Variants in RPTOR observed in about 807,000 individuals in gnomAD.
RPTOR encodes the protein regulatory associated protein of MTOR complex 1.
A neutral mutation model predicts 169.9 loss-of-function variants in RPTOR; 21 were observed. The ratio of observed to expected loss-of-function variants is 0.12; its 90% CI spans 0.09 to 0.18. The LOEUF is 0.18. Among genes scored for constraint, RPTOR ranks in the 10% least tolerant of loss-of-function variants. RPTOR has a pLI of 1.00. For missense variants in RPTOR, 1,133 were observed against 1,855.9 expected (o/e 0.61, Z 7.16); for synonymous variants, 732 against 753.2 (o/e 0.97, Z 0.46).
At chr17:80,807,544 G>T (rs1425808946) in intron 7 of RPTOR, among the ~76,000 whole-genome samples, 1 of 152,122 alleles carries the variant, frequency 6.6e-6, no homozygotes, top group Non-Finnish European at 1.5e-5. Flanking sequence ...TACAGACAGG[G>T]TTTCACCATG....
intron 1 of RPTOR, among the ~76,000 whole-genome samples, chr17:80,559,112 C>T (rs2084446912): frequency 6.6e-6 from 1 of 152,174 alleles, no homozygotes; most frequent in Non-Finnish European, 1.5e-5. Context: ...TTCCCCAGCC[C>T]TTGGTAACCG....
chr17:80,715,881 T>C (rs1019879592), intron 4 of RPTOR, among the ~76,000 whole-genome samples: 4 of 152,258 alleles, frequency 2.6e-5, no homozygotes, highest in Non-Finnish European at 5.9e-5. Flanking sequence ...TCCAGGTCAC[T>C]GTGAATGCTG....
chr17:80,925,882 C>A (rs905258955), intron 24 of RPTOR, among the ~76,000 whole-genome samples: 20 of 152,262 alleles, frequency 1.3e-4, no homozygotes, highest in Non-Finnish European at 2.9e-4. Flanking sequence ...ACAAGACCAT[C>A]TCTGAGGCTC....
chr17:80,595,070 CT>C (rs2065135252), intron 1 of RPTOR, among the ~76,000 whole-genome samples: 1 of 151,756 alleles, frequency 6.6e-6, no homozygotes, highest in African/African-American at 2.4e-5. Context: ...AGAATGGGCA[CT>C]AGGGAGAAGA....
Position 80,892,777 on chromosome 17 carries a change from T to C in RPTOR, c.2150T>C (p.Leu717Pro). Residue 717 changes from leucine (L) to proline (P), a missense_variant, in exon 19 of 34, where the codon CTT becomes CCT. Transcript: ENST00000306801. ...CGAGACAGCCCGTGCACCCCCAGAC[T>C]TCGTTCTGTGAGCTCCTATGGAAAC... ...PVRDSPCTPR[L>P]RSVSSYGNIR... 6.2e-7 allele frequency: 1 copy of C among 1,614,180 alleles called. No homozygotes were observed. The highest frequency in any genetic ancestry group is 8.5e-7 in the Non-Finnish European group (1 of 1,180,026).
intron 1 of RPTOR, among the ~76,000 whole-genome samples, chr17:80,621,087 T>C (rs968896034): frequency 2.6e-5 from 4 of 152,212 alleles, no homozygotes; most frequent in African/African-American, 9.7e-5. Context: ...GTAGCTACTT[T>C]CACACATTCC....
intron 21 of RPTOR, chr17:80,909,534 A>G (rs2068587039): frequency 1.3e-5 from 2 of 151,520 alleles, no homozygotes; most frequent in African/African-American, 4.9e-5. Context: ...ACACCCGGCT[A>G]ATTTTTAAAT....
chr17:80,888,208 G>A lies in RPTOR; in HGVS notation c.1983+3060G>A, dbSNP rs367806584. 9.2e-5 allele frequency among the ~76,000 whole-genome samples: 14 copies of A among 152,278 alleles called. No individual in the cohort carries two copies. The South Asian group carries it at 1.0e-3, about 11-fold the overall frequency. ...CGGCTCACTGCAACCTCTGCCTCCC[G>A]GGCTCAAGCGATCCTCCCACCTCAG... On this transcript the variant is annotated intron_variant, in intron 17 of 33. Coordinates refer to ENST00000306801, the MANE Select transcript of RPTOR (RefSeq NM_020761.3).
intron 10 of RPTOR, among the ~76,000 whole-genome samples, chr17:80,843,159 C>T (rs2067689364): frequency 6.6e-6 from 1 of 152,170 alleles, no homozygotes; most frequent in African/African-American, 2.4e-5. Context: ...GTTGAGATTA[C>T]AGTTAATCTA....
chr17:80,602,736 A>G (rs1313335732), intron 1 of RPTOR: 17 of 766,346 alleles, frequency 2.2e-5, no homozygotes, highest in East Asian at 7.5e-5. Context: ...CCTGGTGTCA[A>G]TGCACACATC....
Position 80,705,052 on chromosome 17 carries a change from G to A in RPTOR, c.349-2789G>A, listed in dbSNP as rs544074052. ...GGTGACACGCTGCCTCCCAGGCCAC[G>A]CATCGACACCCCTCCTGTCACGCTC... is the stretch of plus-strand genomic sequence containing the variant. On this transcript the variant is annotated intron_variant, in intron 3 of 33. Coordinates refer to ENST00000306801, the MANE Select transcript of RPTOR (RefSeq NM_020761.3). Among the ~76,000 whole-genome samples the A allele has an allele frequency of 2.0e-5, 3 of 152,324 alleles. No homozygotes were observed. The East Asian group carries it at 5.8e-4, about 29-fold the overall frequency.
At position 80,826,164 on chromosome 17, in the gene RPTOR, A is replaced by G. The variant is rs114675133; in HGVS notation, c.1136+2941A>G. Among the ~76,000 whole-genome samples the G allele has an allele frequency of 9.6e-3, 1,459 of 151,836 alleles. 28 individuals are homozygous for G. Among genetic ancestry groups the G allele is most frequent in the African/African-American group, 0.033 (1,377 of 41,416 alleles). On this transcript the variant is annotated intron_variant, in intron 9 of 33. Coordinates refer to ENST00000306801, the MANE Select transcript of RPTOR (RefSeq NM_020761.3). Reference sequence around the variant, plus strand: ...TGCCCCCAGCAGCTGGGGCAAGAAAACCTTGATCCTGAAGGGGATCCCGGC... The same window carrying G: ...TGCCCCCAGCAGCTGGGGCAAGAAAGCCTTGATCCTGAAGGGGATCCCGGC...
intron 13 of RPTOR, among the ~76,000 whole-genome samples, chr17:80,862,598 A>C (rs1455755882): frequency 4.8e-5 from 5 of 103,592 alleles, no homozygotes; most frequent in African/African-American, 1.9e-4. Context: ...GGTCCTCTGG[A>C]GCTCCGCCCA....
chr17:80,585,045 G>C (rs1168478856), intron 1 of RPTOR, among the ~76,000 whole-genome samples: 1 of 152,036 alleles, frequency 6.6e-6, no homozygotes. Flanking sequence ...ATGAGACTTT[G>C]CTTTTATGTG....
intron 3 of RPTOR, among the ~76,000 whole-genome samples, chr17:80,653,902 G>GC (rs376817698): frequency 8.2e-4 from 125 of 152,340 alleles, no homozygotes; most frequent in Middle Eastern, 3.4e-3. Context: ...TGTTGCTTCA[G>GC]CTTCAGCTCT....
Position 80,891,705 on chromosome 17 carries a change from T to G in RPTOR, c.1984-15T>G, listed in dbSNP as rs750462881. ...AGCCCCAGTGACTGTTATTGTCCCTTCTCCCTCTCGGCAGGAGCTGGTGGT... is the reference window on the plus strand; with the variant it reads ...AGCCCCAGTGACTGTTATTGTCCCTGCTCCCTCTCGGCAGGAGCTGGTGGT... On this transcript the variant is annotated splice_polypyrimidine_tract_variant and intron_variant, in intron 17 of 33. Coordinates refer to ENST00000306801, the MANE Select transcript of RPTOR (RefSeq NM_020761.3). The G allele has an allele frequency of 6.4e-7, 1 of 1,560,982 alleles. No individual in the cohort carries two copies. Among genetic ancestry groups the G allele is most frequent in the African/African-American group, 1.4e-5 (1 of 73,154 alleles).
At chr17:80,734,118 G>C (rs1208779991) in intron 5 of RPTOR, among the ~76,000 whole-genome samples, 1 of 152,216 alleles carries the variant, frequency 6.6e-6, no homozygotes, top group Non-Finnish European at 1.5e-5. Context: ...TCAGTGGCTA[G>C]AGTACTGTGA....
At chr17:80,709,697 G>A (rs1567869061) in intron 4 of RPTOR, among the ~76,000 whole-genome samples, 1 of 152,046 alleles carries the variant, frequency 6.6e-6, no homozygotes, top group East Asian at 1.9e-4. Context: ...CTCCAGCACT[G>A]GGTGTTGTCA....
chr17:80,597,327 G>A (rs977763387), intron 1 of RPTOR, among the ~76,000 whole-genome samples: 2 of 152,142 alleles, frequency 1.3e-5, no homozygotes, highest in African/African-American at 2.4e-5. Context: ...ACCGAGCATG[G>A]CTTTTTCATG....
Sources: allele counts gnomAD v4.1 joint callset (sites outside exome capture counted in the v4.1 genomes callset), GRCh38; gene constraint gnomAD v4.1.1; transcripts MANE v1.5; gene names NCBI Gene and HGNC (gene_info 2026-07-23, HGNC 2026-07-21).